Variants in KIFAP3 observed in about 807,000 individuals in gnomAD.
KIFAP3 encodes the protein kinesin associated protein 3, also known as kinesin-associated protein 3.
Under a neutral mutation model 106.5 loss-of-function variants are expected in KIFAP3, and 68 were observed. That is an observed-to-expected ratio of 0.64 (90% CI 0.53 to 0.78). The LOEUF is 0.78. Ranked by LOEUF, KIFAP3 falls within the 30% of genes least tolerant of loss-of-function variation. The probability of loss-of-function intolerance (pLI) is 0.00; values close to 1 mark genes in which losing one functional copy is unlikely to be tolerated. For missense variants in KIFAP3, 780 were observed against 941.8 expected (o/e 0.83, Z 2.25); for synonymous variants, 320 against 311.5 (o/e 1.03, Z -0.29).
chr1:169,936,414 C>T (rs903743337), intron 19 of KIFAP3, among the ~76,000 whole-genome samples: 2 of 151,768 alleles, frequency 1.3e-5, no homozygotes, highest in African/African-American at 2.4e-5. Flanking sequence ...TACAAAGACA[C>T]AAAAAGCTGC....
intron 10 of KIFAP3, among the ~76,000 whole-genome samples, chr1:170,000,824 A>C (rs1667627524): frequency 6.6e-6 from 1 of 152,152 alleles, no homozygotes; most frequent in African/African-American, 2.4e-5. Flanking sequence ...ACAGTTGTTA[A>C]CCAACAGTTA....
intron 1 of KIFAP3, among the ~76,000 whole-genome samples, chr1:170,065,044 T>C (rs975765411): frequency 6.6e-6 from 1 of 152,298 alleles, no homozygotes. Flanking sequence ...TTGTACATAA[T>C]TGGAAGCATC....
At chr1:170,039,425 C>G (rs1252827518) in intron 3 of KIFAP3, 137 bp from the exon 4 acceptor site, 1 of 542,526 alleles carries the variant, frequency 1.8e-6, no homozygotes, top group Non-Finnish European at 3.3e-6. Flanking sequence ...AATCTCTTCT[C>G]AATGCATAAA....
At position 169,983,376 on chromosome 1, in the gene KIFAP3, C is replaced by A; in HGVS notation, c.1400G>T (p.Gly467Val). The A allele has an allele frequency of 6.3e-7, 1 of 1,599,288 alleles. No individual in the cohort carries two copies. Among genetic ancestry groups the A allele is most frequent in the Non-Finnish European group, 8.5e-7 (1 of 1,171,758 alleles). The change falls in exon 13 of 20, where the codon GGG becomes GTG. Residue 467 changes from glycine to valine, a missense_variant. Gly to Val is a moderately radical substitution (Grantham distance 109). This residue lies in a region of KIFAP3 where 588 missense variants were observed against 678.9 expected (regional missense o/e 0.87). Transcript: ENST00000361580. The stretch of plus-strand genomic sequence containing the variant: ...AGCCCTCTTCATGAGCATCTTCAGC[C>A]CATTTCCTGAAACAGAAAAGTCCCC... ...RNVQLICEGN[G>V]LKMLMKRALK...
intron 1 of KIFAP3, among the ~76,000 whole-genome samples, chr1:170,070,933 C>T (rs922075098): frequency 6.6e-6 from 1 of 152,114 alleles, no homozygotes; most frequent in Non-Finnish European, 1.5e-5. Flanking sequence ...GGTTCTATTA[C>T]AAAGAACTCC....
At chr1:170,014,669 A>G (rs774090393) in intron 10 of KIFAP3, among the ~76,000 whole-genome samples, 2 of 152,202 alleles carry the variant, frequency 1.3e-5, no homozygotes, top group Admixed American at 6.5e-5. Context: ...AATAAATTGA[A>G]ATGCATATTC....
At chr1:169,992,473 C>A (rs958821301) in intron 10 of KIFAP3, among the ~76,000 whole-genome samples, 5 of 152,008 alleles carry the variant, frequency 3.3e-5, no homozygotes, top group Admixed American at 3.3e-4. Context: ...ATGTCTATTT[C>A]CCAAGGTATA....
chr1:170,051,055 TAAAG>T (rs953021943), intron 2 of KIFAP3, among the ~76,000 whole-genome samples: 2 of 151,426 alleles, frequency 1.3e-5, no homozygotes, highest in African/African-American at 2.4e-5. Context: ...GCAAATTGGA[TAAAG>T]AGTCAAGACC....
intron 10 of KIFAP3, among the ~76,000 whole-genome samples, chr1:170,014,391 C>A (rs1415962936): frequency 6.6e-6 from 1 of 152,200 alleles, no homozygotes; most frequent in Non-Finnish European, 1.5e-5. Flanking sequence ...ACTTATTGTT[C>A]CTCCTACTGG....
intron 17 of KIFAP3, among the ~76,000 whole-genome samples, chr1:169,968,179 T>C (rs1385843436): frequency 2.0e-5 from 3 of 151,946 alleles, no homozygotes; most frequent in African/African-American, 7.2e-5. Context: ...TCAGTATCCA[T>C]AAATTCTAAA....
At chr1:170,017,428 A>G (rs1209476736) in intron 9 of KIFAP3, among the ~76,000 whole-genome samples, 3 of 152,150 alleles carry the variant, frequency 2.0e-5, no homozygotes, top group Non-Finnish European at 4.4e-5. Context: ...AAAATGACTA[A>G]GAATTTGTTC....
Position 169,921,680 on chromosome 1 carries a change from G to C in KIFAP3, c.2375C>G (p.Ser792Cys). The C allele has an allele frequency of 1.2e-6, 2 of 1,609,178 alleles. No individual in the cohort carries two copies. Among genetic ancestry groups the C allele is most frequent in the Non-Finnish European group, 1.7e-6 (2 of 1,175,736 alleles). The change falls in exon 20 of 20, where the codon TCT (serine) becomes TGT (cysteine). Residue 792 changes from serine to cysteine, a missense_variant. Physicochemically the swap from Ser to Cys is moderately radical, Grantham distance 112 (BLOSUM62 -1). Coordinates refer to ENST00000361580, the MANE Select transcript of KIFAP3 (RefSeq NM_014970.4). ...CACATGGAAACAGATACTTTATCAA[G>C]ATCCATAGCCATAGTAGTAAGGTTC... ...PDEPYYYGYGS is the reference protein window; with the variant it reads ...PDEPYYYGYGC
chr1:169,921,813 GT>G, intron 19 of KIFAP3, 32 bp from the exon 20 acceptor site: 1 of 1,508,600 alleles, frequency 6.6e-7, no homozygotes, highest in Non-Finnish European at 9.2e-7. Flanking sequence ...GATAAGCTAT[GT>G]TTTTCATCAC....
At chr1:169,934,175 GCTTT>G (rs1158676026) in intron 19 of KIFAP3, among the ~76,000 whole-genome samples, 1 of 152,106 alleles carries the variant, frequency 6.6e-6, no homozygotes, top group Non-Finnish European at 1.5e-5. Context: ...TCATACACAT[GCTTT>G]CTGTTTTGCC....
intron 8 of KIFAP3, among the ~76,000 whole-genome samples, chr1:170,025,826 G>GA (rs1669075561): frequency 6.6e-6 from 1 of 152,138 alleles, no homozygotes; most frequent in South Asian, 2.1e-4. Context: ...GAATTACATT[G>GA]AAAAAACAAA....
At chr1:169,944,799 G>C (rs988048716) in intron 19 of KIFAP3, among the ~76,000 whole-genome samples, 1 of 152,142 alleles carries the variant, frequency 6.6e-6, no homozygotes, top group Non-Finnish European at 1.5e-5. Flanking sequence ...ACGTCTGTAT[G>C]AGTCTGGCTG....
intron 17 of KIFAP3, among the ~76,000 whole-genome samples, chr1:169,970,028 A>C (rs147911137): frequency 2.7e-4 from 41 of 152,180 alleles, no homozygotes; most frequent in South Asian, 1.7e-3. Flanking sequence ...CTGAGGATGT[A>C]CTGAAGGATA....
At chr1:169,989,967 AG>A in intron 11 of KIFAP3, 1 of 1,278,746 alleles carries the variant, frequency 7.8e-7, no homozygotes, top group East Asian at 2.8e-5. Context: ...ATTATGTAGT[AG>A]GAGTCAAGAG....
At chr1:170,066,541 C>G (rs1193034136) in intron 1 of KIFAP3, among the ~76,000 whole-genome samples, 1 of 151,982 alleles carries the variant, frequency 6.6e-6, no homozygotes, top group East Asian at 1.9e-4. Flanking sequence ...AATTACAGTG[C>G]CAAGATCCAG....
Sources: allele counts gnomAD v4.1 joint callset (sites outside exome capture counted in the v4.1 genomes callset), GRCh38; gene constraint gnomAD v4.1.1; regional missense constraint gnomAD v4.1.1; transcripts MANE v1.5; gene names NCBI Gene and HGNC (gene_info 2026-07-23, HGNC 2026-07-21).